The following ERI1 variants were observed in gnomAD, a reference collection of about 807,000 sequenced individuals.
ERI1 encodes the protein 3'-5' exoribonuclease 1.
In ERI1, 39 loss-of-function variants were observed where a neutral mutation model predicts 39.7. The ratio of observed to expected loss-of-function variants is 0.98; its 90% CI spans 0.76 to 1.28. The LOEUF is 1.28. ERI1 is among the 50% of genes most tolerant of loss of function. The probability of loss-of-function intolerance (pLI) is 0.00; values close to 1 mark genes in which losing one functional copy is unlikely to be tolerated. For synonymous variants in ERI1, 204 were observed against 149.6 expected (o/e 1.36, Z -2.65); for missense variants, 581 against 416.9 (o/e 1.39, Z -3.43).
chr8:9,053,237 G>A (rs1294357284), intron 3 of ERI1, among the ~76,000 whole-genome samples: 44 of 152,266 alleles, frequency 2.9e-4, no homozygotes, highest in East Asian at 7.7e-4. Flanking sequence ...CACTGGTCTC[G>A]AACTCCTGAC....
At chr8:9,064,503 G>C (rs1798807199) in intron 3 of ERI1, among the ~76,000 whole-genome samples, 1 of 93,974 alleles carries the variant, frequency 1.1e-5, no homozygotes, top group Non-Finnish European at 2.3e-5. Flanking sequence ...GATAAAACGT[G>C]TCTCCTTTGT....
At chr8:9,016,434 G>A (rs1436749848) in intron 4 of ERI1, 29 bp downstream of exon 4, 2 of 1,353,490 alleles carry the variant, frequency 1.5e-6, no homozygotes, top group Non-Finnish European at 2.0e-6. Context: ...TCTTTCTAGA[G>A]TTTGAAAGAG....
At chr8:9,097,543 C>T (rs890794187) in intron 3 of ERI1, among the ~76,000 whole-genome samples, 1 of 152,002 alleles carries the variant, frequency 6.6e-6, no homozygotes, top group Non-Finnish European at 1.5e-5. Flanking sequence ...GTGGCGTGCG[C>T]CTGTAGTCCC....
chr8:9,067,865 T>C (rs1176509850), intron 3 of ERI1, among the ~76,000 whole-genome samples: 2 of 152,014 alleles, frequency 1.3e-5, no homozygotes, highest in Non-Finnish European at 2.9e-5. Flanking sequence ...TCCTTTTCCT[T>C]CTTTCACATT....
At position 9,032,574 on chromosome 8, in the gene ERI1, C is replaced by CA. The variant is rs999119548; in HGVS notation, c.*2547dup. On this transcript the variant is annotated 3_prime_UTR_variant, in exon 7 of 7. Coordinates refer to ENST00000250263, the MANE Select transcript of ERI1 (RefSeq NM_153332.4). ...GGAGAAGTTTCTGCCTGGATTGAAA[C>CA]AAAAAAACACAGGCGTCACAAGCAT... 18 of 151,992 alleles carry CA rather than the reference C, an allele frequency of 1.2e-4. No individual in the cohort carries two copies. Among genetic ancestry groups the CA allele is most frequent in the African/African-American group, 3.6e-4 (15 of 41,440 alleles). The allele number at this position is 151,992 out of a possible 1,614,324, so 9.4% of individuals were successfully genotyped here.
At chr8:9,021,117 C>T (rs1162097608) in intron 6 of ERI1, among the ~76,000 whole-genome samples, 2 of 152,108 alleles carry the variant, frequency 1.3e-5, no homozygotes, top group African/African-American at 4.8e-5. Flanking sequence ...TCAGTCAGAG[C>T]ACTCAGTGTT....
intron 3 of ERI1, among the ~76,000 whole-genome samples, chr8:9,094,071 A>AT (rs1457379901): frequency 1.6e-4 from 24 of 152,116 alleles, no homozygotes; most frequent in African/African-American, 5.6e-4. Flanking sequence ...TTATAAACTA[A>AT]TTTTTTAATA....
At chr8:9,011,396 G>A in intron 2 of ERI1, 146 bp from the exon 3 acceptor site, 2 of 494,632 alleles carry the variant, frequency 4.0e-6, no homozygotes, top group South Asian at 7.9e-5. Context: ...TTAGCTTTGA[G>A]TCTTGCTTTT....
intron 3 of ERI1, among the ~76,000 whole-genome samples, chr8:9,039,525 T>C (rs910351964): frequency 6.6e-6 from 1 of 152,194 alleles, no homozygotes; most frequent in African/African-American, 2.4e-5. Context: ...AGATTTAAAA[T>C]TTCCCTTATT....
At chr8:9,091,279 G>C (rs1196615408) in intron 3 of ERI1, 3 of 152,210 alleles carry the variant, frequency 2.0e-5, no homozygotes, top group Non-Finnish European at 4.4e-5. Context: ...CAAGTACTTT[G>C]GGAGGCTGAG....
intron 3 of ERI1, among the ~76,000 whole-genome samples, chr8:9,055,527 G>A (rs1464130242): frequency 6.6e-6 from 1 of 152,134 alleles, no homozygotes; most frequent in Admixed American, 6.5e-5. Context: ...ATTTATGGCC[G>A]GCTGATACAT....
chr8:9,017,108 T>C (rs887575841), intron 4 of ERI1, among the ~76,000 whole-genome samples: 11 of 151,354 alleles, frequency 7.3e-5, no homozygotes, highest in Non-Finnish European at 1.6e-4. Context: ...GGCACGATCT[T>C]GGCTCACTGC....
At chr8:9,072,682 A>T (rs1035326230) in intron 3 of ERI1, among the ~76,000 whole-genome samples, 1 of 151,938 alleles carries the variant, frequency 6.6e-6, no homozygotes, top group African/African-American at 2.4e-5. Context: ...TTAAATCTCC[A>T]TCTCACTCCG....
intron 3 of ERI1, among the ~76,000 whole-genome samples, chr8:9,012,588 G>A (rs1816782899): frequency 6.6e-6 from 1 of 152,112 alleles, no homozygotes; most frequent in African/African-American, 2.4e-5. Flanking sequence ...CAGATTGAAG[G>A]TCAGTAAATT....
At chr8:9,069,132 T>C (rs1798974112) in intron 3 of ERI1, among the ~76,000 whole-genome samples, 1 of 152,108 alleles carries the variant, frequency 6.6e-6, no homozygotes, top group Admixed American at 6.5e-5. Context: ...TAAATATTTA[T>C]TAAAAGGACA....
chr8:9,009,165 C>G (rs959627083), intron 2 of ERI1: 1 of 443,232 alleles, frequency 2.3e-6, no homozygotes, highest in East Asian at 7.0e-5. Context: ...ATTCAACAAG[C>G]CTGTATTGAA....
intron 2 of ERI1, among the ~76,000 whole-genome samples, chr8:9,009,894 T>C (rs1414119856): frequency 6.6e-6 from 1 of 152,182 alleles, no homozygotes; most frequent in African/African-American, 2.4e-5. Flanking sequence ...CATGTGACAA[T>C]GATAGTGAAA....
At chr8:9,064,884 G>A (rs373886509) in intron 3 of ERI1, among the ~76,000 whole-genome samples, 4 of 152,160 alleles carry the variant, frequency 2.6e-5, no homozygotes, top group South Asian at 2.1e-4. Flanking sequence ...GGCTGAGTCC[G>A]AGAAGAGAGT....
Position 9,094,082 on chromosome 8 carries a change from A to G in ERI1, n.300-22266A>G, listed in dbSNP as rs563649352. On this transcript the variant is annotated intron_variant and non_coding_transcript_variant, in intron 3 of 3. Coordinates refer to the ERI1 transcript ENST00000518663. ...ATTGTTATAAACTAATTTTTTAATA[A>G]TAACAAGTATAGTAGTAATTATCAG... Among the ~76,000 whole-genome samples the G allele has an allele frequency of 1.0e-3, 159 of 152,344 alleles. 2 individuals carry two copies. The highest frequency in any genetic ancestry group is 3.8e-3 in the African/African-American group (156 of 41,590).
Sources: allele counts gnomAD v4.1 joint callset (sites outside exome capture counted in the v4.1 genomes callset), GRCh38; gene constraint gnomAD v4.1.1; transcripts MANE v1.5; gene names NCBI Gene and HGNC (gene_info 2026-07-23, HGNC 2026-07-21).